The following MAN2C1 variants were observed in gnomAD, a reference collection of about 807,000 sequenced individuals.
The protein encoded by MAN2C1 is alpha-mannosidase 2C1.
Under a neutral mutation model 126.9 loss-of-function variants are expected in MAN2C1, and 111 were observed. That is an observed-to-expected ratio of 0.87 (90% confidence interval 0.75 to 1.02). The LOEUF (loss-of-function observed/expected upper bound fraction) is 1.02. Ranked by LOEUF, MAN2C1 falls within the 50% of genes least tolerant of loss-of-function variation. The pLI is 0.00. For synonymous variants in MAN2C1, 567 were observed against 561.5 expected, an observed-to-expected ratio of 1.01 and a Z score of -0.14; for missense variants, 1,363 against 1,364.4, an observed-to-expected ratio of 1.00 and a Z score of 0.02.
intron 1 of MAN2C1, 95 bp from the exon 2 acceptor site, chr15:75,368,293 C>A (rs1404444946): frequency 3.3e-6 from 5 of 1,509,518 alleles, no homozygotes; most frequent in Non-Finnish European, 4.4e-6. Context: ...CCTGGATCCT[C>A]CGCCAAGAGG....
chr15:75,360,837 G>A, intron 12 of MAN2C1, 149 bp from the exon 13 acceptor site: 3 of 1,203,548 alleles, frequency 2.5e-6, no homozygotes, highest in South Asian at 1.5e-5. Flanking sequence ...GACGCCCTAG[G>A]AGAGCCTCTC....
At chr15:75,363,667 A>G in intron 6 of MAN2C1, 1 of 347,044 alleles carries the variant, frequency 2.9e-6, no homozygotes, top group Non-Finnish European at 5.5e-6. Flanking sequence ...TTAACCAGGC[A>G]TTGTGGTGGG....
intron 4 of MAN2C1, among the ~76,000 whole-genome samples, chr15:75,366,297 G>A (rs902847003): frequency 6.6e-6 from 1 of 152,240 alleles, no homozygotes; most frequent in African/African-American, 2.4e-5. Flanking sequence ...CCTGGGCTCA[G>A]GTGATCCTCC....
intron 17 of MAN2C1, 74 bp downstream of exon 17, chr15:75,359,254 G>A (rs980245724): frequency 2.0e-5 from 31 of 1,575,784 alleles, no homozygotes; most frequent in African/African-American, 2.7e-5. Flanking sequence ...GCTCCAGACA[G>A]GGGAGCTCAG....
Position 75,356,007 on chromosome 15 carries a change from G to A in MAN2C1, c.3022C>T (p.Pro1008Ser). 1 of 1,614,050 alleles carries A rather than the reference G, an allele frequency of 6.2e-7. No individual in the cohort carries two copies. The highest frequency in any genetic ancestry group is 8.5e-7 in the Non-Finnish European group (1 of 1,179,978). The change falls in exon 26 of 26, where the codon CCT becomes TCT. Residue 1008 changes from proline (P) to serine (S), a missense_variant. By Grantham distance (74) the Pro-to-Ser change is moderately conservative. Transcript: ENST00000267978. The surrounding 1 kb of genome is among the most constrained non-coding windows in gnomAD (Gnocchi z 5.8). ...TCCCGAAGGGTCAAGTGGCCAGCAGGGTCTGGTCGCTCCAAGAGATCGCAG... is the reference window on the plus strand; with the variant it reads ...TCCCGAAGGGTCAAGTGGCCAGCAGAGTCTGGTCGCTCCAAGAGATCGCAG... ...ILCDLLERPD[P>S]AGHLTLRDNR...
chr15:75,364,725 G>T, intron 4 of MAN2C1, 60 bp from the exon 5 acceptor site: 1 of 1,458,538 alleles, frequency 6.9e-7, no homozygotes, highest in Non-Finnish European at 9.1e-7. Flanking sequence ...CGGGGACTTG[G>T]GGAAGGGGCA....
chr15:75,368,357 C>G (rs764978300), intron 1 of MAN2C1, 126 bp downstream of exon 1: 11 of 1,384,392 alleles, frequency 7.9e-6, no homozygotes, highest in Non-Finnish European at 1.1e-5. Context: ...CTCCCCGGCC[C>G]CTGCCCTGCC....
chr15:75,366,552 G>A lies in MAN2C1; in HGVS notation c.392C>T (p.Thr131Ile). The change falls in exon 4 of 26, where the codon ACT becomes ATT. Residue 131 changes from threonine to isoleucine, a missense_variant. Thr to Ile is a moderately conservative substitution (Grantham distance 89, BLOSUM62 -1). Coordinates refer to ENST00000267978, the MANE Select transcript of MAN2C1 (RefSeq NM_006715.4). ...GGGGTCTCTTTCCCCCAGCCTGTCA[G>A]TCAGGACATAGCTGGTCTTCTCACC... ...KEGEKTSYVL[T>I]DRLGERDPRS... The A allele has an allele frequency of 1.2e-6, 2 of 1,613,710 alleles. No homozygotes were observed. The highest frequency in any genetic ancestry group is 1.7e-6 in the Non-Finnish European group (2 of 1,179,818).
At position 75,367,527 on chromosome 15, in the gene MAN2C1, T is replaced by A. The variant is rs766488988; in HGVS notation, c.335A>T (p.Asp112Val). The change falls in exon 3 of 26, where the codon GAT (aspartate) becomes GTT (valine). Residue 112 changes from aspartate (D) to valine (V), a missense_variant. By Grantham distance (152) the Asp-to-Val change is radical (BLOSUM62 -3). Around this residue, in one of 3 missense-constraint regions of MAN2C1, gnomAD observed 628 missense variants for 609.8 expected, o/e 1.03. Transcript: ENST00000267978. Reference protein sequence around the residue: ...ESDGEGLVWRDGEPVQGLTKE... With the variant: ...ESDGEGLVWRVGEPVQGLTKE... ...GTTCCTCACCTGGACAGGTTCTCCATCACGCCACACCAGACCTTCTCCATC... is the reference window on the plus strand; with the variant it reads ...GTTCCTCACCTGGACAGGTTCTCCAACACGCCACACCAGACCTTCTCCATC... The A allele has an allele frequency of 1.9e-6, 3 of 1,613,956 alleles. No homozygotes were observed. The highest frequency in any genetic ancestry group is 2.5e-6 in the Non-Finnish European group (3 of 1,179,970).
chr15:75,360,991 G>A, intron 12 of MAN2C1, 55 bp downstream of exon 12: 1 of 1,563,354 alleles, frequency 6.4e-7, no homozygotes. Flanking sequence ...GGGAAGGCAG[G>A]GCTCATGGCA....
In MAN2C1 at chr15:75,356,725, T is replaced by C. The variant is rs768589454; in HGVS notation, c.2658-40A>G. The C allele has an allele frequency of 5.0e-6, 8 of 1,612,300 alleles. No homozygotes were observed. In the East Asian group the frequency reaches 8.9e-5, roughly 18 times the overall value. ...GCGCGTAGGGGCCACGCTGAAGCTG[T>C]TGGAGTTGTGGTCGGGAAGACCCAT... On this transcript the variant is annotated intron_variant, in intron 22 of 25. Coordinates refer to ENST00000267978, the MANE Select transcript of MAN2C1 (RefSeq NM_006715.4). The surrounding 1 kb of genome is among the most constrained non-coding windows in gnomAD (Gnocchi z 5.8).
In MAN2C1 at chr15:75,367,641, G is replaced by A; in HGVS notation, c.228-7C>T. 1 of 1,614,174 alleles carries A rather than the reference G, an allele frequency of 6.2e-7. No individual in the cohort carries two copies. The highest frequency in any genetic ancestry group is 2.2e-5 in the East Asian group (1 of 44,890). On this transcript the variant is annotated splice_region_variant and splice_polypyrimidine_tract_variant and intron_variant, in intron 2 of 25. Transcript: ENST00000267978. ...GAACCAGCAGGTCCACCATCTGCAA[G>A]AGAGCTGTTGTGATAGGCCTAGAGG...
chr15:75,368,588 G>A lies in MAN2C1; in HGVS notation c.-5C>T, dbSNP rs1313132829. ...CAAGGCCGGCGCAGCCGCCATCGCC[G>A]GGCTCTCGCTCCTCTTTCCGGAAGG... On this transcript the variant is annotated 5_prime_UTR_variant, in exon 1 of 26. Transcript: ENST00000267978. The A allele has an allele frequency of 1.9e-6, 3 of 1,538,860 alleles. No homozygotes were observed. Among genetic ancestry groups the A allele is most frequent in the Non-Finnish European group, 2.6e-6 (3 of 1,142,798 alleles).
In MAN2C1 at chr15:75,356,873, T is replaced by C. The variant is rs747693816; in HGVS notation, c.2577A>G (p.Ser859=). The change falls in exon 22 of 26, where the codon TCA becomes TCG. Residue 859 remains serine (S), a synonymous_variant. Transcript: ENST00000267978. This position sits in a 1 kb window ranked among gnomAD's most constrained non-coding sequence, Gnocchi z 5.8. ...EVWAHRWMDL[S]EHGFGLALLN... ...GCAGGGCCAGCCCAAAGCCGTGTTC[T>C]GACAGATCCATCCAGCGATGGGCCC... 5.0e-6 allele frequency: 8 copies of C among 1,614,020 alleles called. No homozygotes were observed. The South Asian group carries it at 7.7e-5, about 16-fold the overall frequency.
At chr15:75,359,271 C>T in intron 17 of MAN2C1, 57 bp downstream of exon 17, 6 of 1,583,900 alleles carry the variant, frequency 3.8e-6, no homozygotes, top group Non-Finnish European at 5.2e-6. Context: ...TCAGGACCCT[C>T]AGTTGTAAGA....
At position 75,362,097 on chromosome 15, in the gene MAN2C1, G is replaced by A. The variant is rs2072482134; in HGVS notation, c.1009-150C>T. 1 of 691,530 alleles carries A rather than the reference G, an allele frequency of 1.4e-6. No homozygotes were observed. Among genetic ancestry groups the A allele is most frequent in the African/African-American group, 1.8e-5 (1 of 56,290 alleles). The allele number at this position is 691,530 out of a possible 1,614,324, so 42.8% of individuals were successfully genotyped here. ...ACTCAGGAAGGGCCCCTGTCCTTCA[G>A]GCCTGACTGTCCATCTGCCTGAGGG... On this transcript the variant is annotated intron_variant, in intron 8 of 25. Coordinates refer to ENST00000267978, the MANE Select transcript of MAN2C1 (RefSeq NM_006715.4). The surrounding 1 kb of genome is among the most constrained non-coding windows in gnomAD (Gnocchi z 4.5).
Position 75,362,505 on chromosome 15 carries a change from G to A in MAN2C1, c.898-52C>T. On this transcript the variant is annotated intron_variant, in intron 7 of 25. Transcript: ENST00000267978. The surrounding 1 kb of genome is among the most constrained non-coding windows in gnomAD (Gnocchi z 4.5). ...ACCAGAGTGACAAGGGCCCCACCCA[G>A]GACTGAGCATATGGGACTCAGTGTG... is the stretch of plus-strand genomic sequence containing the variant. 2 of 1,545,802 alleles carry A rather than the reference G, an allele frequency of 1.3e-6. No homozygotes were observed. The highest frequency in any genetic ancestry group is 1.4e-5 in the African/African-American group (1 of 73,370).
At position 75,364,069 on chromosome 15, in the gene MAN2C1, C is replaced by A; in HGVS notation, c.720G>T (p.Arg240Ser). The change falls in exon 6 of 26, where the codon AGG (arginine) becomes AGT (serine). Residue 240 changes from arginine to serine, a missense_variant. This residue lies in a region of MAN2C1 where 628 missense variants were observed against 609.8 expected (regional missense o/e 1.03). Transcript: ENST00000267978. ...TFPVAQALAS[R>S]FFGQHGGESQ... Reference sequence around the variant, plus strand: ...TTTCACCCCCATGTTGGCCAAAGAACCTGGAGGCCAGGGCCTGGGCCACTG... The same window carrying A: ...TTTCACCCCCATGTTGGCCAAAGAAACTGGAGGCCAGGGCCTGGGCCACTG... The A allele has an allele frequency of 6.2e-7, 1 of 1,614,168 alleles. No individual in the cohort carries two copies. Among genetic ancestry groups the A allele is most frequent in the Non-Finnish European group, 8.5e-7 (1 of 1,180,016 alleles).
In MAN2C1 at chr15:75,362,439, T is replaced by C; in HGVS notation, c.912A>G (p.Glu304=). 6 of 1,612,512 alleles carry C rather than the reference T, an allele frequency of 3.7e-6. No homozygotes were observed. Among genetic ancestry groups the C allele is most frequent in the Non-Finnish European group, 5.1e-6 (6 of 1,179,570 alleles). Residue 304 remains glutamate, a synonymous_variant, in exon 8 of 26, where the codon GAA becomes GAG. Coordinates refer to ENST00000267978, the MANE Select transcript of MAN2C1 (RefSeq NM_006715.4). The surrounding 1 kb of genome is among the most constrained non-coding windows in gnomAD (Gnocchi z 4.5). Reference sequence around the variant, plus strand: ...GGCCAGGGTAGCGGCTCTTCACCCATTCCAGCTGCTGCGCCTGTGGGCAGG... The same window carrying C: ...GGCCAGGGTAGCGGCTCTTCACCCACTCCAGCTGCTGCGCCTGTGGGCAGG... ...IFACSQAQQL[E]WVKSRYPGLY...
Sources: allele counts gnomAD v4.1 joint callset (sites outside exome capture counted in the v4.1 genomes callset), GRCh38; gene constraint gnomAD v4.1.1; regional missense constraint gnomAD v4.1.1; non-coding constraint Gnocchi (gnomAD v3.1); transcripts MANE v1.5; gene names NCBI Gene and HGNC (gene_info 2026-07-23, HGNC 2026-07-21).